The following EPHA3 variants were observed in gnomAD, a reference collection of about 807,000 sequenced individuals.
EPHA3 encodes the protein EPH receptor A3, also known as ephrin type-A receptor 3.
EPHA3 carries 42 observed loss-of-function variants against 107.1 expected under a neutral mutation model. The ratio of observed to expected loss-of-function variants is 0.39; its 90% CI spans 0.31 to 0.51. The LOEUF (loss-of-function observed/expected upper bound fraction) is 0.51. Ranked by LOEUF, EPHA3 falls within the 20% of genes least tolerant of loss-of-function variation. The probability of loss-of-function intolerance (pLI) is 0.78; values close to 1 mark genes in which losing one functional copy is unlikely to be tolerated. For missense variants in EPHA3, 1,183 were observed against 1,211.2 expected, an observed-to-expected ratio of 0.98 and a Z score of 0.35; for synonymous variants, 461 against 424.8, an observed-to-expected ratio of 1.09 and a Z score of -1.05.
intron 2 of EPHA3, among the ~76,000 whole-genome samples, chr3:89,165,767 C>G (rs915767034): frequency 6.6e-6 from 1 of 152,196 alleles, no homozygotes; most frequent in Admixed American, 6.5e-5. Context: ...CTTTCCAAGG[C>G]TGTTCAGGCC....
chr3:89,169,464 C>CT (rs1705160319), intron 2 of EPHA3, among the ~76,000 whole-genome samples: 1 of 152,190 alleles, frequency 6.6e-6, no homozygotes, highest in Admixed American at 6.5e-5. Flanking sequence ...ATGATTCTTG[C>CT]TTTTCATGTA....
chr3:89,306,397 G>A (rs1706622315), intron 3 of EPHA3, among the ~76,000 whole-genome samples: 1 of 152,082 alleles, frequency 6.6e-6, no homozygotes, highest in Admixed American at 6.6e-5. Flanking sequence ...CATCATGAAA[G>A]ACCAAAGTAG....
intron 2 of EPHA3, among the ~76,000 whole-genome samples, chr3:89,168,495 T>C (rs891275573): frequency 9.2e-5 from 14 of 152,264 alleles, no homozygotes; most frequent in Admixed American, 5.9e-4. Flanking sequence ...TGTTTATTTA[T>C]ACCAAATTTT....
At chr3:89,161,619 A>G (rs1406215103) in intron 2 of EPHA3, among the ~76,000 whole-genome samples, 16 of 152,138 alleles carry the variant, frequency 1.1e-4, no homozygotes, top group African/African-American at 3.6e-4. Context: ...ATATATACAT[A>G]TAAAACAAAA....
At chr3:89,122,163 A>G (rs1287835469) in intron 1 of EPHA3, among the ~76,000 whole-genome samples, 1 of 152,230 alleles carries the variant, frequency 6.6e-6, no homozygotes, top group Non-Finnish European at 1.5e-5. Context: ...TCTGCTTATT[A>G]TAACAGAAAG....
At chr3:89,143,969 CAG>C (rs1384784207) in intron 2 of EPHA3, among the ~76,000 whole-genome samples, 1 of 151,546 alleles carries the variant, frequency 6.6e-6, no homozygotes, top group Non-Finnish European at 1.5e-5. Context: ...ACAGAAAGTA[CAG>C]AGAGTTCACA....
At chr3:89,353,493 G>T (rs1707877308) in intron 5 of EPHA3, among the ~76,000 whole-genome samples, 1 of 151,050 alleles carries the variant, frequency 6.6e-6, no homozygotes, top group Non-Finnish European at 1.5e-5. Context: ...TCTGAATTTG[G>T]CCCTGAGAGT....
intron 11 of EPHA3, among the ~76,000 whole-genome samples, chr3:89,425,731 G>A (rs79270238): frequency 0.065 from 9,843 of 151,304 alleles, 389 homozygotes; most frequent in Middle Eastern, 0.11. Context: ...ATATATATGC[G>A]TATGTATGTG....
intron 3 of EPHA3, among the ~76,000 whole-genome samples, chr3:89,315,430 C>T (rs1559643866): frequency 6.6e-6 from 1 of 151,724 alleles, no homozygotes; most frequent in Non-Finnish European, 1.5e-5. Context: ...AGGGCACCTT[C>T]AGGGATTAAT....
chr3:89,290,774 G>A (rs1293996576), intron 3 of EPHA3, among the ~76,000 whole-genome samples: 3 of 152,140 alleles, frequency 2.0e-5, no homozygotes, highest in Non-Finnish European at 2.9e-5. Flanking sequence ...TTCAGTTAAA[G>A]TCATTGAGCA....
intron 15 of EPHA3, among the ~76,000 whole-genome samples, chr3:89,471,009 T>C (rs1710390320): frequency 6.6e-6 from 1 of 152,184 alleles, no homozygotes; most frequent in Non-Finnish European, 1.5e-5. Flanking sequence ...AAAACTTATT[T>C]CTGTCATTGT....
chr3:89,255,317 A>G (rs1705257751), intron 3 of EPHA3, among the ~76,000 whole-genome samples: 1 of 152,144 alleles, frequency 6.6e-6, no homozygotes. Context: ...CTGGTTTCCT[A>G]TATCATGGCC....
At chr3:89,449,617 C>T (rs1268225329) in intron 14 of EPHA3, among the ~76,000 whole-genome samples, 2 of 152,028 alleles carry the variant, frequency 1.3e-5, no homozygotes, top group East Asian at 1.9e-4. Flanking sequence ...GTAGTGAAAA[C>T]GTAATGAAAA....
chr3:89,330,392 A>C (rs535246315), intron 3 of EPHA3, among the ~76,000 whole-genome samples: 1 of 152,236 alleles, frequency 6.6e-6, no homozygotes, highest in East Asian at 1.9e-4. Context: ...TAAAAATCCA[A>C]TGTATAAATT....
intron 15 of EPHA3, among the ~76,000 whole-genome samples, chr3:89,452,583 T>A (rs186624592): frequency 6.6e-6 from 1 of 152,322 alleles, no homozygotes; most frequent in East Asian, 1.9e-4. Context: ...GTTCCTTATA[T>A]ATTTTGGATA....
At chr3:89,167,933 C>T (rs1705114005) in intron 2 of EPHA3, among the ~76,000 whole-genome samples, 1 of 152,080 alleles carries the variant, frequency 6.6e-6, no homozygotes, top group Non-Finnish European at 1.5e-5. Context: ...TATATACACA[C>T]ACACAAATAT....
chr3:89,345,705 C>T (rs1165899752), intron 5 of EPHA3, among the ~76,000 whole-genome samples: 4 of 143,076 alleles, frequency 2.8e-5, no homozygotes, highest in African/African-American at 1.0e-4. Context: ...CGTGCTGGTG[C>T]GCTGCACCCA....
intron 5 of EPHA3, among the ~76,000 whole-genome samples, chr3:89,359,037 G>A (rs1181714876): frequency 6.6e-6 from 1 of 150,966 alleles, no homozygotes. Context: ...ATTTGATTAA[G>A]CTTATTGTTA....
intron 3 of EPHA3, among the ~76,000 whole-genome samples, chr3:89,256,840 T>C (rs529046107): frequency 2.0e-4 from 30 of 152,340 alleles, no homozygotes; most frequent in African/African-American, 6.7e-4. Context: ...AAAATCACTT[T>C]ATACCATACG....
Sources: gnomAD v4.1 joint callset for allele counts (sites outside exome capture counted in the v4.1 genomes callset) on GRCh38, gnomAD v4.1.1 for gene constraint, MANE v1.5 for transcripts, NCBI Gene and HGNC (gene_info 2026-07-23, HGNC 2026-07-21) for gene names.